FNDC3A: variants seen among roughly 807,000 people sequenced by gnomAD.
The protein encoded by FNDC3A is fibronectin type-III domain-containing protein 3A.
FNDC3A carries 32 observed loss-of-function variants against 148.9 expected under a neutral mutation model. That is an observed-to-expected ratio of 0.21 (90% CI 0.16 to 0.29). The LOEUF (loss-of-function observed/expected upper bound fraction) is 0.29, where lower values mean the gene tolerates loss of function less well. Ranked by LOEUF, FNDC3A falls within the 10% of genes least tolerant of loss-of-function variation. FNDC3A has a pLI of 1.00. For synonymous variants in FNDC3A, 472 were observed against 473.6 expected (o/e 1.00, Z 0.04); for missense variants, 1,191 against 1,452.8 (o/e 0.82, Z 2.93).
rs1441361759 is a variant in FNDC3A at position 49,014,870 on chromosome 13, G to T, written c.99+8581G>T. Among the ~76,000 whole-genome samples the T allele has an allele frequency of 2.9e-4, 43 of 147,490 alleles. 1 individual carries two copies. In the East Asian group the frequency reaches 7.3e-3, roughly 25 times the overall value. The stretch of plus-strand genomic sequence containing the variant: ...TTAAATAGGGAATCCTTTCCCCATT[G>T]CTTGTTTTTCTCAGGTTTGTCAAAG... On this transcript the variant is annotated intron_variant, in intron 2 of 25. Transcript: ENST00000492622.
At chr13:49,029,374 C>G (rs761900316) in intron 2 of FNDC3A, among the ~76,000 whole-genome samples, 2 of 152,028 alleles carry the variant, frequency 1.3e-5, no homozygotes, top group Non-Finnish European at 1.5e-5. Context: ...TTGGTATGAA[C>G]GAAAACCATG....
chr13:49,049,082 G>A (rs180963337), intron 2 of FNDC3A, among the ~76,000 whole-genome samples: 267 of 152,140 alleles, frequency 1.8e-3, no homozygotes, highest in African/African-American at 6.0e-3. Flanking sequence ...TGTGATTTTT[G>A]TTTTTAATTT....
chr13:49,127,617 C>G (rs1881778548), intron 4 of FNDC3A, among the ~76,000 whole-genome samples: 1 of 152,214 alleles, frequency 6.6e-6, no homozygotes, highest in African/African-American at 2.4e-5. Flanking sequence ...AGTTTTCCTT[C>G]TGCCTCGCTT....
intron 2 of FNDC3A, among the ~76,000 whole-genome samples, chr13:49,068,360 C>T (rs1396472208): frequency 6.6e-6 from 1 of 151,442 alleles, no homozygotes; most frequent in East Asian, 1.9e-4. Context: ...TGAGACCCGT[C>T]TATAAAAAAT....
At chr13:49,119,866 G>A (rs1194784231) in intron 4 of FNDC3A, among the ~76,000 whole-genome samples, 1 of 152,076 alleles carries the variant, frequency 6.6e-6, no homozygotes, top group Non-Finnish European at 1.5e-5. Context: ...ATGTTTGATT[G>A]GTATACCTGA....
chr13:49,115,102 A>G (rs1880850344), intron 4 of FNDC3A, among the ~76,000 whole-genome samples: 1 of 151,244 alleles, frequency 6.6e-6, no homozygotes, highest in Admixed American at 6.6e-5. Flanking sequence ...AACTTTATTC[A>G]TACAATGAAT....
chr13:49,155,460 CA>C (rs1314312862), intron 8 of FNDC3A, among the ~76,000 whole-genome samples: 1 of 146,884 alleles, frequency 6.8e-6, no homozygotes, highest in African/African-American at 2.5e-5. Context: ...TTGATCCTTT[CA>C]AAAAACCAGC....
chr13:49,097,460 T>G (rs1232352511), intron 3 of FNDC3A, among the ~76,000 whole-genome samples: 1 of 152,138 alleles, frequency 6.6e-6, no homozygotes, highest in Non-Finnish European at 1.5e-5. Flanking sequence ...CTTGGCATGT[T>G]TTCATGTTAG....
chr13:48,986,456 C>T (rs1386820594), intron 1 of FNDC3A, among the ~76,000 whole-genome samples: 2 of 113,420 alleles, frequency 1.8e-5, no homozygotes, highest in South Asian at 3.0e-4. Flanking sequence ...AGTGCAATGG[C>T]GTGATCTCGG....
chr13:49,143,116 C>G (rs1882782232), intron 7 of FNDC3A, among the ~76,000 whole-genome samples: 1 of 152,182 alleles, frequency 6.6e-6, no homozygotes, highest in Admixed American at 6.5e-5. Flanking sequence ...GATCTGCCCA[C>G]CTCGGCCTCC....
At chr13:49,038,668 T>C (rs771223693) in intron 2 of FNDC3A, among the ~76,000 whole-genome samples, 7 of 152,206 alleles carry the variant, frequency 4.6e-5, no homozygotes, top group Non-Finnish European at 1.0e-4. Flanking sequence ...TATATGTTTT[T>C]GAATTCTGGG....
intron 2 of FNDC3A, among the ~76,000 whole-genome samples, chr13:49,071,742 T>C (rs1045546101): frequency 6.7e-6 from 1 of 148,988 alleles, no homozygotes; most frequent in African/African-American, 2.5e-5. Flanking sequence ...TTTTTTTTGC[T>C]ATTGAGTCAT....
chr13:49,032,084 C>T (rs1171024800), intron 2 of FNDC3A, among the ~76,000 whole-genome samples: 1 of 152,112 alleles, frequency 6.6e-6, no homozygotes, highest in Non-Finnish European at 1.5e-5. Context: ...ATCAAAACCA[C>T]AATGAGATAC....
chr13:49,149,617 C>T (rs1231757098), intron 8 of FNDC3A, among the ~76,000 whole-genome samples: 2 of 152,078 alleles, frequency 1.3e-5, no homozygotes, highest in East Asian at 3.8e-4. Context: ...ATGAGGATTT[C>T]GTGTCCGTGT....
At chr13:49,114,544 A>G in intron 3 of FNDC3A, 111 bp from the exon 4 acceptor site, 1 of 655,316 alleles carries the variant, frequency 1.5e-6, no homozygotes, top group Non-Finnish European at 2.8e-6. Flanking sequence ...AAATGTAGTT[A>G]CTGTTGGCTT....
chr13:49,119,072 C>A (rs1048814555), intron 4 of FNDC3A, among the ~76,000 whole-genome samples: 1 of 152,212 alleles, frequency 6.6e-6, no homozygotes, highest in South Asian at 2.1e-4. Flanking sequence ...AGACACCTTC[C>A]AGCAGGGTCG....
intron 2 of FNDC3A, among the ~76,000 whole-genome samples, chr13:49,029,365 T>C (rs1873949005): frequency 6.6e-6 from 1 of 152,198 alleles, no homozygotes; most frequent in Non-Finnish European, 1.5e-5. Flanking sequence ...GAAAATACTT[T>C]GGTATGAACG....
intron 2 of FNDC3A, chr13:49,045,769 C>T: frequency 1.8e-6 from 1 of 559,430 alleles, no homozygotes; most frequent in Non-Finnish European, 3.1e-6. Flanking sequence ...GACAGCATAG[C>T]ATCTGATTTT....
At chr13:49,131,062 A>G in intron 4 of FNDC3A, 75 bp from the exon 5 acceptor site, 7 of 1,197,052 alleles carry the variant, frequency 5.8e-6, no homozygotes, top group Non-Finnish European at 8.6e-6. Context: ...TACCGTGCCT[A>G]CCCTACTCTT....
Sources: allele counts gnomAD v4.1 joint callset (sites outside exome capture counted in the v4.1 genomes callset), GRCh38; gene constraint gnomAD v4.1.1; transcripts MANE v1.5; gene names NCBI Gene and HGNC (gene_info 2026-07-23, HGNC 2026-07-21).